The following FGFR4 variants were observed in gnomAD, a reference collection of about 807,000 sequenced individuals.
The protein encoded by FGFR4 is hydroxyaryl-protein kinase.
FGFR4 carries 63 observed loss-of-function variants against 89.9 expected under a neutral mutation model. The observed-to-expected ratio is 0.70, with a 90% CI of 0.57 to 0.86. The LOEUF (loss-of-function observed/expected upper bound fraction) is 0.86. Among genes scored for constraint, FGFR4 ranks in the 40% least tolerant of loss-of-function variants. The probability of loss-of-function intolerance (pLI) is 0.00; values close to 1 mark genes in which losing one functional copy is unlikely to be tolerated. For synonymous variants in FGFR4, 486 were observed against 479.4 expected (o/e 1.01, Z -0.18); for missense variants, 928 against 1,106.7 (o/e 0.84, Z 2.29).
intron 13 of FGFR4, 56 bp from the exon 14 acceptor site, chr5:177,096,001 G>A (rs2149738353): frequency 1.3e-6 from 2 of 1,583,378 alleles, no homozygotes; most frequent in Non-Finnish European, 8.6e-7. Context: ...GGGGGGTGGT[G>A]TGTGCTCAAC....
At position 177,091,737 on chromosome 5, in the gene FGFR4, G is replaced by A. The variant is rs200232395; in HGVS notation, c.656G>A (p.Arg219His). Reference sequence around the variant, plus strand: ...ATGGAGAGCGTGGTGCCCTCGGACCGCGGCACATACACCTGCCTGGTAGAG... The same window carrying A: ...ATGGAGAGCGTGGTGCCCTCGGACCACGGCACATACACCTGCCTGGTAGAG... ...LVMESVVPSD[R>H]GTYTCLVENA... The change falls in exon 6 of 18, where the codon CGC becomes CAC. Residue 219 changes from arginine (R) to histidine (H), a missense_variant. Arg to His is a conservative substitution (Grantham distance 29). This residue lies in a region of FGFR4 where 741 missense variants were observed against 836.9 expected (regional missense o/e 0.89). Coordinates refer to ENST00000292408, the MANE Select transcript of FGFR4 (RefSeq NM_213647.3). The A allele has an allele frequency of 6.8e-6, 11 of 1,614,116 alleles. No individual in the cohort carries two copies. The highest frequency in any genetic ancestry group is 2.2e-5 in the East Asian group (1 of 44,896).
At position 177,096,700 on chromosome 5, in the gene FGFR4, G is replaced by A. The variant is rs1455612142; in HGVS notation, c.2112G>A (p.Glu704=). The stretch of plus-strand genomic sequence containing the variant: ...AGGAGCTGTTCTCGCTGCTGCGGGA[G>A]GGACATCGGATGGACCGACCCCCAC... The part of the protein sequence containing the change: ...PVEELFSLLR[E]GHRMDRPPHC... Residue 704 remains glutamate (E), a synonymous_variant, in exon 16 of 18, where the codon GAG becomes GAA. Coordinates refer to ENST00000292408, the MANE Select transcript of FGFR4 (RefSeq NM_213647.3). 3.1e-6 allele frequency: 5 copies of A among 1,603,448 alleles called. No homozygotes were observed. In the African/African-American group the frequency reaches 5.3e-5, roughly 17 times the overall value.
At position 177,096,709 on chromosome 5, in the gene FGFR4, G is replaced by T. The variant is rs764507463; in HGVS notation, c.2121G>T (p.Arg707=). The T allele has an allele frequency of 6.3e-7, 1 of 1,596,806 alleles. No homozygotes were observed. Among genetic ancestry groups the T allele is most frequent in the African/African-American group, 1.3e-5 (1 of 74,694 alleles). ...TCTCGCTGCTGCGGGAGGGACATCGGATGGACCGACCCCCACACTGCCCCC... is the reference window on the plus strand; with the variant it reads ...TCTCGCTGCTGCGGGAGGGACATCGTATGGACCGACCCCCACACTGCCCCC... The part of the protein sequence containing the change: ...ELFSLLREGH[R]MDRPPHCPPE... Residue 707 remains arginine (R), a synonymous_variant, in exon 16 of 18, where the codon CGG becomes CGT. Coordinates refer to ENST00000292408, the MANE Select transcript of FGFR4 (RefSeq NM_213647.3).
Position 177,097,809 on chromosome 5 carries a change from C to A in FGFR4, c.*133C>A. ...GAGTTGCTGTGCCGTGTCCAAGGGC[C>A]GTGCCCTTGCCCTTGGAGCTGCCGT... On this transcript the variant is annotated 3_prime_UTR_variant, in exon 18 of 18. Transcript: ENST00000292408. 8.7e-7 allele frequency: 1 copy of A among 1,143,644 alleles called. No homozygotes were observed. The highest frequency in any genetic ancestry group is 1.2e-6 in the Non-Finnish European group (1 of 831,372). The allele number at this position is 1,143,644 out of a possible 1,614,324, so 70.8% of individuals were successfully genotyped here.
At position 177,092,709 on chromosome 5, in the gene FGFR4, G is replaced by A. The variant is rs150737523; in HGVS notation, c.982G>A (p.Ala328Thr). The A allele has an allele frequency of 8.3e-4, 1,339 of 1,614,208 alleles. 2 individuals carry two copies. The highest frequency in any genetic ancestry group is 1.0e-3 in the Non-Finnish European group (1,232 of 1,179,992). ...CCTGCGGAACGTGTCAGCCGAGGAC[G>A]CAGGCGAGTACACCTGCCTCGCAGG... ...LYLRNVSAED[A>T]GEYTCLAGNS... Residue 328 changes from alanine to threonine, a missense_variant, in exon 8 of 18, where the codon GCA (alanine) becomes ACA (threonine). By Grantham distance (58) the Ala-to-Thr change is moderately conservative. Around this residue, in one of 5 missense-constraint regions of FGFR4, gnomAD observed 741 missense variants for 836.9 expected, o/e 0.89. Transcript: ENST00000292408.
In FGFR4 at chr5:177,097,855, A is replaced by C; in HGVS notation, c.*179A>C. ...GCCGTGCCTGTGTCCTGATGGCCCA[A>C]ATGTCAGGGTTCTGCTCGGCTTCTT... On this transcript the variant is annotated 3_prime_UTR_variant, in exon 18 of 18. Coordinates refer to ENST00000292408, the MANE Select transcript of FGFR4 (RefSeq NM_213647.3). The C allele has an allele frequency of 1.5e-6, 1 of 670,330 alleles. No individual in the cohort carries two copies. The allele number at this position is 670,330 out of a possible 1,614,324, so 41.5% of individuals were successfully genotyped here.
chr5:177,091,878 C>G (rs1190197004), intron 6 of FGFR4, 70 bp downstream of exon 6: 39 of 1,588,906 alleles, frequency 2.5e-5, no homozygotes, highest in Non-Finnish European at 3.4e-5. Flanking sequence ...TTGGTGGGGT[C>G]TAGTCTGGCA....
At position 177,095,736 on chromosome 5, in the gene FGFR4, G is replaced by T; in HGVS notation, c.1821+13G>T. 1 of 1,575,586 alleles carries T rather than the reference G, an allele frequency of 6.3e-7. No individual in the cohort carries two copies. The highest frequency in any genetic ancestry group is 1.3e-5 in the African/African-American group (1 of 74,262). On this transcript the variant is annotated intron_variant, in intron 13 of 17. Coordinates refer to ENST00000292408, the MANE Select transcript of FGFR4 (RefSeq NM_213647.3). The surrounding 1 kb of genome is among the most constrained non-coding windows in gnomAD (Gnocchi z 5.7). ...GGAGTCCCGGAAGGTACAGGCGCTA[G>T]GGCTCTGAGCCCCTCTCAGTCTCTC...
Position 177,093,236 on chromosome 5 carries a change from C to G in FGFR4, c.1156C>G (p.Leu386Val). 1 of 1,612,510 alleles carries G rather than the reference C, an allele frequency of 6.2e-7. No individual in the cohort carries two copies. Among genetic ancestry groups the G allele is most frequent in the Non-Finnish European group, 8.5e-7 (1 of 1,178,962 alleles). ...CCTGGCCTTGGCTGTGCTCCTGCTG[C>G]TGGCCGGGCTGTATCGAGGGCAGGC... ...GSLALAVLLL[L>V]AGLYRGQALH... is the part of the protein sequence containing the mutation. Residue 386 changes from leucine to valine, a missense_variant, in exon 9 of 18, where the codon CTG (leucine) becomes GTG (valine). Around this residue, in one of 5 missense-constraint regions of FGFR4, gnomAD observed 741 missense variants for 836.9 expected, o/e 0.89. Coordinates refer to ENST00000292408, the MANE Select transcript of FGFR4 (RefSeq NM_213647.3). The surrounding 1 kb of genome is among the most constrained non-coding windows in gnomAD (Gnocchi z 5.8).
Position 177,091,765 on chromosome 5 carries a change from C to T in FGFR4, c.684C>T (p.Asn228=), listed in dbSNP as rs3135923. 7,124 of 1,614,192 alleles carry T rather than the reference C, an allele frequency of 4.4e-3. 317 individuals carry two copies. In the African/African-American group the frequency reaches 0.085, roughly 19 times the overall value. Residue 228 remains asparagine, a synonymous_variant, in exon 6 of 18, where the codon AAC becomes AAT. Coordinates refer to ENST00000292408, the MANE Select transcript of FGFR4 (RefSeq NM_213647.3). ...GCACATACACCTGCCTGGTAGAGAACGCTGTGGGCAGCATCCGCTATAACT... is the reference window on the plus strand; with the variant it reads ...GCACATACACCTGCCTGGTAGAGAATGCTGTGGGCAGCATCCGCTATAACT... ...DRGTYTCLVE[N]AVGSIRYNYL...
rs747147091 is a variant in FGFR4, at chr5:177,095,646, G to T, written c.1744G>T (p.Gly582Trp). 1.2e-6 allele frequency: 2 copies of T among 1,607,324 alleles called. No individual in the cohort carries two copies. Among genetic ancestry groups the T allele is most frequent in the South Asian group, 2.2e-5 (2 of 89,924 alleles). Residue 582 changes from glycine (G) to tryptophan (W), a missense_variant, in exon 13 of 18, where the codon GGG (glycine) becomes TGG (tryptophan). Coordinates refer to ENST00000292408, the MANE Select transcript of FGFR4 (RefSeq NM_213647.3). This position sits in a 1 kb window ranked among gnomAD's most constrained non-coding sequence, Gnocchi z 5.7. Reference sequence around the variant, plus strand: ...CCCCGACGGTCCTCGGAGCAGTGAGGGGCCGCTCTCCTTCCCAGTCCTGGT... The same window carrying T: ...CCCCGACGGTCCTCGGAGCAGTGAGTGGCCGCTCTCCTTCCCAGTCCTGGT... ...LSPDGPRSSE[G>W]PLSFPVLVSC...
Position 177,092,725 on chromosome 5 carries a change from GC to G in FGFR4, c.1000del (p.Leu334SerfsTer117). 4 of 1,614,260 alleles carry G rather than the reference GC, an allele frequency of 2.5e-6. No individual in the cohort carries two copies. The highest frequency in any genetic ancestry group is 3.4e-6 in the Non-Finnish European group (4 of 1,180,034). On this transcript the variant is annotated frameshift_variant, in exon 8 of 18. Transcript: ENST00000292408. LOFTEE classifies it high-confidence loss of function. ...GCCGAGGACGCAGGCGAGTACACCT[GC>G]CTCGCAGGCAATTCCATCGGCCTCT... ...VSAEDAGEYT[C>X]LAGNSIGLSY...
chr5:177,089,784 C>T (rs918298572), intron 2 of FGFR4, 91 bp downstream of exon 2: 7 of 1,515,684 alleles, frequency 4.6e-6, no homozygotes, highest in South Asian at 1.2e-5. Context: ...GGAAAGGATC[C>T]TTGCCCAGGC....
At chr5:177,089,178 T>C (rs1784263417) in intron 1 of FGFR4, among the ~76,000 whole-genome samples, 1 of 152,232 alleles carries the variant, frequency 6.6e-6, no homozygotes, top group South Asian at 2.1e-4. Flanking sequence ...TTTTGGCTCT[T>C]CTGCAATCAA....
intron 11 of FGFR4, among the ~76,000 whole-genome samples, chr5:177,094,584 C>T (rs1438024823): frequency 6.6e-6 from 1 of 151,790 alleles, no homozygotes; most frequent in Non-Finnish European, 1.5e-5. Flanking sequence ...CTTCTGCTTG[C>T]ACCCAGGCCC....
In FGFR4 at chr5:177,098,037, C is replaced by T. The variant is rs180712076; in HGVS notation, c.*361C>T. 4.1e-4 allele frequency: 111 copies of T among 272,042 alleles called. No individual in the cohort carries two copies. Among genetic ancestry groups the T allele is most frequent in the Admixed American group, 1.1e-3 (21 of 19,550 alleles). The allele number at this position is 272,042 out of a possible 1,614,324, so 16.9% of individuals were successfully genotyped here. ...TGCTGCTGCTGCCCCAGCGTCTTGA[C>T]GGGAGCATTGGCCCCTGAGCCCAGA... On this transcript the variant is annotated 3_prime_UTR_variant, in exon 18 of 18. Transcript: ENST00000292408. This position sits in a 1 kb window ranked among gnomAD's most constrained non-coding sequence, Gnocchi z 4.5.
rs546915860 is a variant in FGFR4 at position 177,091,696 on chromosome 5, G to A, written c.615G>A (p.Gln205=). 5 of 1,614,232 alleles carry A rather than the reference G, an allele frequency of 3.1e-6. No individual in the cohort carries two copies. The South Asian group carries it at 5.5e-5, about 18-fold the overall frequency. ...NRIGGIRLRH[Q]HWSLVMESVV... Reference sequence around the variant, plus strand: ...CTCTCTGCCTGCAGCTGCGCCATCAGCACTGGAGTCTCGTGATGGAGAGCG... The same window carrying A: ...CTCTCTGCCTGCAGCTGCGCCATCAACACTGGAGTCTCGTGATGGAGAGCG... Residue 205 remains glutamine (Q), a synonymous_variant, in exon 6 of 18, where the codon CAG becomes CAA. Transcript: ENST00000292408.
Position 177,089,530 on chromosome 5 carries a change from C to T in FGFR4, c.-53-20C>T. 6.5e-7 allele frequency: 1 copy of T among 1,541,404 alleles called. No homozygotes were observed. The highest frequency in any genetic ancestry group is 2.2e-5 in the Admixed American group (1 of 45,870). On this transcript the variant is annotated intron_variant, in intron 1 of 17. Transcript: ENST00000292408. ...CAAAGGTGCACGTGTAGCAGGAGCT[C>T]TTTTCCCTCCCTATTTTAGGAAGGC...
At chr5:177,097,036 CCTTCTCCTCCTG>C (rs1232999606) in intron 16 of FGFR4, among the ~76,000 whole-genome samples, 13 of 74,438 alleles carry the variant, frequency 1.7e-4, no homozygotes, top group East Asian at 6.4e-4. Flanking sequence ...TCCTCTTCCT[CCTTCTCCTCCTG>C]CTCCTCTTCC....
Sources: gnomAD v4.1 joint callset for allele counts (sites outside exome capture counted in the v4.1 genomes callset) on GRCh38, gnomAD v4.1.1 for gene constraint, gnomAD v4.1.1 regional missense constraint, Gnocchi (gnomAD v3.1) non-coding constraint, MANE v1.5 for transcripts, NCBI Gene and HGNC (gene_info 2026-07-23, HGNC 2026-07-21) for gene names.